Variants in OR7C1 observed in about 807,000 individuals in gnomAD.
OR7C1 encodes olfactory receptor family 7 subfamily C member 1, also known as olfactory receptor 7C1.
For synonymous variants in OR7C1, 152 were observed against 160.7 expected (o/e 0.95, Z 0.41); for missense variants, 324 against 383.3 (o/e 0.85, Z 1.29).
chr19:14,800,053 A>G (rs1201924027), exon 5 of OR7C1: 7 of 1,613,546 alleles, frequency 4.3e-6, no homozygotes, highest in Non-Finnish European at 5.9e-6. Flanking sequence ...GGAACAGCCC[A>G]AAGAGAATGA....
chr19:14,834,516 C>T (rs1467479144), intron 1 of OR7C1, among the ~76,000 whole-genome samples: 1 of 152,192 alleles, frequency 6.6e-6, no homozygotes, highest in African/African-American at 2.4e-5. Flanking sequence ...CTCATTAGTA[C>T]ATAGTCTCTC....
intron 1 of OR7C1, chr19:14,827,219 T>C: frequency 6.9e-7 from 1 of 1,456,800 alleles, no homozygotes; most frequent in South Asian, 1.6e-5. Flanking sequence ...AAGGAGCAAG[T>C]TCTATTTCCA....
intron 1 of OR7C1, among the ~76,000 whole-genome samples, chr19:14,829,403 A>G (rs1014412774): frequency 1.3e-5 from 2 of 152,118 alleles, no homozygotes; most frequent in East Asian, 3.9e-4. Flanking sequence ...GGGTTTCTCC[A>G]TGTTGGTCAG....
chr19:14,813,374 T>C (rs1004639532), intron 1 of OR7C1, among the ~76,000 whole-genome samples: 1 of 151,786 alleles, frequency 6.6e-6, no homozygotes, highest in Non-Finnish European at 1.5e-5. Flanking sequence ...TCTAACTCGG[T>C]GAAACCCTGT....
At chr19:14,821,095 G>C (rs2044739085) in intron 1 of OR7C1, among the ~76,000 whole-genome samples, 1 of 152,116 alleles carries the variant, frequency 6.6e-6, no homozygotes, top group South Asian at 2.1e-4. Context: ...AAAATTAGCT[G>C]GGTGTAGTGG....
intron 1 of OR7C1, among the ~76,000 whole-genome samples, chr19:14,817,232 ACT>A (rs1458588254): frequency 2.0e-5 from 3 of 151,896 alleles, no homozygotes; most frequent in African/African-American, 7.3e-5. Context: ...AATTGTTAAG[ACT>A]CTGCACAGGA....
chr19:14,827,957 T>C lies in OR7C1; in HGVS notation c.-623+7117A>G, dbSNP rs2044789154. 3.1e-6 allele frequency: 5 copies of C among 1,614,192 alleles called. No individual in the cohort carries two copies. In the East Asian group the frequency reaches 8.9e-5, roughly 29 times the overall value. ...AAAAATACATCTGCATGAGGCAGGC[T>C]ATGTAGGTGATGACTTTGTTCTGTG... is the stretch of plus-strand genomic sequence containing the variant. On this transcript the variant is annotated intron_variant, in intron 1 of 4. Transcript: ENST00000641666.
At position 14,827,183 on chromosome 19, in the gene OR7C1, C is replaced by G. The variant is rs916281869; in HGVS notation, c.-623+7891G>C. 1.7e-5 allele frequency: 21 copies of G among 1,237,696 alleles called. No individual in the cohort carries two copies. The African/African-American group carries it at 3.2e-4, about 19-fold the overall frequency. The allele number at this position is 1,237,696 out of a possible 1,614,324, so 76.7% of individuals were successfully genotyped here. A position where few individuals can be genotyped will look rare whatever the true frequency, so the allele number is the denominator to read the frequency against. On this transcript the variant is annotated intron_variant, in intron 1 of 4. Coordinates refer to ENST00000641666, the Ensembl canonical transcript of OR7C1. Reference sequence around the variant, plus strand: ...GTTGAAATCACAACAAATTGAAACTCCCAGAAATATAATAAGTATTAATAG... The same window carrying G: ...GTTGAAATCACAACAAATTGAAACTGCCAGAAATATAATAAGTATTAATAG...
At chr19:14,807,289 A>T (rs185581076) in intron 2 of OR7C1, among the ~76,000 whole-genome samples, 37 of 151,978 alleles carry the variant, frequency 2.4e-4, no homozygotes, top group Admixed American at 2.2e-3. Flanking sequence ...TGTGCCAGAG[A>T]TTGCCTACCC....
chr19:14,808,972 T>C (rs778678137), intron 2 of OR7C1, among the ~76,000 whole-genome samples: 11 of 152,036 alleles, frequency 7.2e-5, no homozygotes, highest in Non-Finnish European at 1.2e-4. Context: ...ATATTTCCTT[T>C]GTCATATACA....
chr19:14,823,450 T>TA lies in OR7C1; in HGVS notation c.-623+11623dup, dbSNP rs538936820. Reference sequence around the variant, plus strand: ...CTGGGCGACAGAGCAAGACTCCGTCTAAAAAAATAAAAAATAAATAAAATT... The same window carrying TA: ...CTGGGCGACAGAGCAAGACTCCGTCTAAAAAAAATAAAAAATAAATAAAATT... On this transcript the variant is annotated intron_variant, in intron 1 of 4. Coordinates refer to ENST00000641666, the Ensembl canonical transcript of OR7C1. Among the ~76,000 whole-genome samples, 526 of 152,244 alleles carry TA rather than the reference T, an allele frequency of 3.5e-3. 2 individuals carry two copies. The highest frequency in any genetic ancestry group is 0.012 in the Admixed American group (176 of 15,294).
chr19:14,833,273 G>A (rs1165381366), intron 1 of OR7C1, among the ~76,000 whole-genome samples: 1 of 152,254 alleles, frequency 6.6e-6, no homozygotes, highest in Non-Finnish European at 1.5e-5. Flanking sequence ...GAGGTCGGGA[G>A]TTCAAGACCA....
chr19:14,825,468 T>A (rs987607366), intron 1 of OR7C1: 1 of 152,194 alleles, frequency 6.6e-6, no homozygotes, highest in African/African-American at 2.4e-5. Context: ...AAGGTAACTA[T>A]TTGAGGCGAT....
At chr19:14,834,353 C>A (rs10409770) in intron 1 of OR7C1, among the ~76,000 whole-genome samples, 10,426 of 152,210 alleles carry the variant, frequency 0.068, 536 homozygotes, top group African/African-American at 0.15. Flanking sequence ...CAGTGTTTCT[C>A]AATCTCAGCA....
At chr19:14,818,341 G>A (rs113961500) in intron 1 of OR7C1, among the ~76,000 whole-genome samples, 4,259 of 152,076 alleles carry the variant, frequency 0.028, 190 homozygotes, top group African/African-American at 0.097. Context: ...TGATCCGCCC[G>A]TCTCTGCCTC....
At chr19:14,815,784 C>CATGT (rs376401137) in intron 1 of OR7C1, among the ~76,000 whole-genome samples, 32 of 146,728 alleles carry the variant, frequency 2.2e-4, no homozygotes, top group Non-Finnish European at 4.4e-4. Context: ...TGAGTTTGTG[C>CATGT]GTGTGTGTGT....
intron 1 of OR7C1, chr19:14,824,411 G>T (rs2044755410): frequency 6.6e-6 from 1 of 152,050 alleles, no homozygotes; most frequent in African/African-American, 2.4e-5. Context: ...AGTGTCTGTT[G>T]ATCCCAACTT....
At chr19:14,803,960 C>T (rs1599912680) in intron 2 of OR7C1, among the ~76,000 whole-genome samples, 1 of 152,046 alleles carries the variant, frequency 6.6e-6, no homozygotes, top group Admixed American at 6.5e-5. Context: ...CCACCTGCCT[C>T]GGCCTCCGAA....
At chr19:14,804,968 C>T (rs2044659395) in intron 2 of OR7C1, among the ~76,000 whole-genome samples, 1 of 151,414 alleles carries the variant, frequency 6.6e-6, no homozygotes, top group Non-Finnish European at 1.5e-5. Flanking sequence ...ACCTCCTGGG[C>T]TCAAGCAATC....
Sources: allele counts gnomAD v4.1 joint callset (sites outside exome capture counted in the v4.1 genomes callset), GRCh38; gene constraint gnomAD v4.1.1; transcripts MANE v1.5; gene names NCBI Gene and HGNC (gene_info 2026-07-23, HGNC 2026-07-21).